Variants in SOX5 observed in about 807,000 individuals in gnomAD.
SOX5 encodes transcription factor SOX-5.
SOX5 carries 9 observed loss-of-function variants against 92.0 expected under a neutral mutation model. The observed-to-expected ratio is 0.10, with a 90% CI of 0.06 to 0.17. The LOEUF (loss-of-function observed/expected upper bound fraction) is 0.17, where lower values mean the gene tolerates loss of function less well. SOX5 is among the 10% of genes least tolerant of loss of function. SOX5 has a pLI of 1.00. For missense variants in SOX5, 642 were observed against 944.5 expected (o/e 0.68, Z 4.20); for synonymous variants, 344 against 336.3 (o/e 1.02, Z -0.25).
chr12:24,468,594 C>T (rs540340015), intron 1 of SOX5, among the ~76,000 whole-genome samples: 29 of 152,212 alleles, frequency 1.9e-4, no homozygotes, highest in East Asian at 1.2e-3. Flanking sequence ...AGTCAAACAC[C>T]GCCCCACAAA....
chr12:23,700,017 G>A (rs932537422), intron 6 of SOX5, among the ~76,000 whole-genome samples: 2 of 152,078 alleles, frequency 1.3e-5, no homozygotes, highest in Non-Finnish European at 2.9e-5. Flanking sequence ...TGCAATTTCT[G>A]AGAAAAAATT....
intron 2 of SOX5, among the ~76,000 whole-genome samples, chr12:24,326,781 T>TACACACACACACACACACACACAC (rs1306084119): frequency 1.2e-4 from 5 of 42,404 alleles, no homozygotes; most frequent in African/African-American, 3.0e-4. Context: ...CACCCATTCA[T>TACACACACACACACACACACACAC]ACACACACAT....
intron 2 of SOX5, among the ~76,000 whole-genome samples, chr12:23,894,953 G>C (rs1017596308): frequency 6.6e-6 from 1 of 152,132 alleles, no homozygotes; most frequent in African/African-American, 2.4e-5. Flanking sequence ...CACTGAAAAG[G>C]TGAGGATGCC....
In SOX5 at chr12:23,533,104, T is replaced by C; in HGVS notation, c.*1115A>G. The C allele has an allele frequency of 2.2e-6, 1 of 452,572 alleles. No individual in the cohort carries two copies. The highest frequency in any genetic ancestry group is 4.5e-6 in the Non-Finnish European group (1 of 224,706). The allele number at this position is 452,572 out of a possible 1,614,324, so 28.0% of individuals were successfully genotyped here. A position where few individuals can be genotyped will look rare whatever the true frequency, so the allele number is the denominator to read the frequency against. On this transcript the variant is annotated 3_prime_UTR_variant, in exon 15 of 15. Coordinates refer to ENST00000451604, the MANE Select transcript of SOX5 (RefSeq NM_006940.6). ...TATAATTTCTGAGCCCTATACTTGG[T>C]TAAGTTGTCATTTGAAGTGCAAAGT... is the stretch of plus-strand genomic sequence containing the variant.
chr12:23,620,465 A>G (rs967734707), intron 8 of SOX5, among the ~76,000 whole-genome samples: 1 of 152,126 alleles, frequency 6.6e-6, no homozygotes, highest in Non-Finnish European at 1.5e-5. Flanking sequence ...ATCTATATAT[A>G]TAATTTTCAA....
chr12:23,924,734 C>T (rs769292573), intron 1 of SOX5, among the ~76,000 whole-genome samples: 21 of 151,928 alleles, frequency 1.4e-4, no homozygotes, highest in Non-Finnish European at 2.6e-4. Context: ...AGTTGCTTCG[C>T]GTTGGTTTTT....
At chr12:24,214,997 G>C (rs1416741617) in intron 3 of SOX5, among the ~76,000 whole-genome samples, 2 of 151,910 alleles carry the variant, frequency 1.3e-5, no homozygotes, top group African/African-American at 4.8e-5. Context: ...TTAATAAAGG[G>C]AAAAATCATA....
chr12:24,191,784 C>T (rs564074515), intron 4 of SOX5, among the ~76,000 whole-genome samples: 1 of 152,140 alleles, frequency 6.6e-6, no homozygotes, highest in East Asian at 1.9e-4. Context: ...GTTTGTTTAG[C>T]CTGTGTGTCC....
At chr12:24,400,618 G>A (rs1209432881) in intron 1 of SOX5, among the ~76,000 whole-genome samples, 1 of 152,194 alleles carries the variant, frequency 6.6e-6, no homozygotes, top group African/African-American at 2.4e-5. Flanking sequence ...ACTAAGTCTG[G>A]TTTCTTGTTT....
chr12:24,006,196 T>C (rs1053405324), intron 4 of SOX5, among the ~76,000 whole-genome samples: 4 of 152,186 alleles, frequency 2.6e-5, no homozygotes, highest in Non-Finnish European at 5.9e-5. Flanking sequence ...TCCTCATCTT[T>C]TCATCAGGAT....
chr12:24,322,008 C>T (rs1407857670), intron 2 of SOX5, among the ~76,000 whole-genome samples: 1 of 152,074 alleles, frequency 6.6e-6, no homozygotes. Flanking sequence ...GCTGGAAGAA[C>T]AACCTGTCTT....
chr12:24,427,977 G>C (rs538260517), intron 1 of SOX5, among the ~76,000 whole-genome samples: 16 of 152,086 alleles, frequency 1.1e-4, no homozygotes, highest in Non-Finnish European at 2.2e-4. Context: ...GAGATTTTGA[G>C]CCTAGACTGA....
intron 4 of SOX5, among the ~76,000 whole-genome samples, chr12:24,033,946 G>A (rs1955765069): frequency 6.6e-6 from 1 of 151,846 alleles, no homozygotes; most frequent in Non-Finnish European, 1.5e-5. Context: ...TGAAGACAGC[G>A]TTTTTTATAG....
chr12:23,697,071 G>A (rs2089980903), intron 6 of SOX5, among the ~76,000 whole-genome samples: 1 of 152,022 alleles, frequency 6.6e-6, no homozygotes, highest in African/African-American at 2.4e-5. Flanking sequence ...CTGTTGTTGG[G>A]TTCTATAAAT....
At chr12:23,575,963 C>T (rs534558401) in intron 9 of SOX5, 125 bp from the exon 10 acceptor site, 2 of 653,840 alleles carry the variant, frequency 3.1e-6, no homozygotes, top group East Asian at 3.0e-5. Context: ...TCTTAACATT[C>T]ATTCTGAACA....
At chr12:24,011,660 T>C (rs1365476043) in intron 4 of SOX5, among the ~76,000 whole-genome samples, 1 of 152,084 alleles carries the variant, frequency 6.6e-6, no homozygotes, top group African/African-American at 2.4e-5. Flanking sequence ...CAGGCTTGAG[T>C]TGACTGGAGT....
At chr12:23,761,424 A>C (rs1342677910) in intron 3 of SOX5, among the ~76,000 whole-genome samples, 3 of 152,190 alleles carry the variant, frequency 2.0e-5, no homozygotes, top group Admixed American at 6.6e-5. Flanking sequence ...TAAACTAGTT[A>C]CAGATTATGT....
chr12:23,572,815 A>G (rs910343985), intron 10 of SOX5, among the ~76,000 whole-genome samples: 2 of 152,310 alleles, frequency 1.3e-5, no homozygotes, highest in East Asian at 1.9e-4. Flanking sequence ...GAGTTAGACT[A>G]TAAGATGAAA....
intron 4 of SOX5, among the ~76,000 whole-genome samples, chr12:24,016,903 T>C (rs1326742708): frequency 1.3e-5 from 2 of 152,222 alleles, no homozygotes; most frequent in African/African-American, 4.8e-5. Context: ...TGTAAAATGA[T>C]ATCTACTCAC....
Sources: gnomAD v4.1 joint callset for allele counts (sites outside exome capture counted in the v4.1 genomes callset) on GRCh38, gnomAD v4.1.1 for gene constraint, MANE v1.5 for transcripts, NCBI Gene and HGNC (gene_info 2026-07-23, HGNC 2026-07-21) for gene names.